The following NEMP2 variants were observed in gnomAD, a reference collection of about 807,000 sequenced individuals.
NEMP2 encodes nuclear envelope integral membrane protein 2.
A neutral mutation model predicts 54.2 loss-of-function variants in NEMP2; 53 were observed. That is an observed-to-expected ratio of 0.98 (90% confidence interval 0.78 to 1.23). The LOEUF (loss-of-function observed/expected upper bound fraction) is 1.23. NEMP2 is among the 50% of genes most tolerant of loss of function. NEMP2 has a pLI of 0.00. For missense variants in NEMP2, 455 were observed against 511.3 expected (o/e 0.89, Z 1.06); for synonymous variants, 197 against 190.3 (o/e 1.04, Z -0.29).
At chr2:190,609,796 A>C in the NEMP2 span, 1 of 152,242 alleles carries the variant, frequency 6.6e-6, no homozygotes, top group Non-Finnish European at 1.5e-5. This position sits in a 1 kb window ranked among gnomAD's most constrained non-coding sequence, Gnocchi z 4.7. Flanking sequence ...CTTCCTGCTG[A>C]GAGAGGGTCA....
At chr2:190,479,859 GT>G in the NEMP2 span, among the ~76,000 whole-genome samples, 2 of 151,972 alleles carry the variant, frequency 1.3e-5, no homozygotes, top group Non-Finnish European at 2.9e-5. Flanking sequence ...GATGAAAGAT[GT>G]TTTTTTTAAT....
chr2:190,535,550 AGTCTTCTCTAATTCTG>A (rs1691347865), upstream of NEMP2, among the ~76,000 whole-genome samples: 3 of 152,358 alleles, frequency 2.0e-5, no homozygotes, highest in Admixed American at 2.0e-4. Context: ...TAACTAGGAC[AGTCTTCTCTAATTCTG>A]GTCTTTTGGT....
chr2:190,523,716 G>A lies in NEMP2; in HGVS notation c.213+1547C>T, dbSNP rs112000695. 0.017 allele frequency among the ~76,000 whole-genome samples: 2,590 copies of A among 152,326 alleles called. 26 individuals carry two copies. The highest frequency in any genetic ancestry group is 0.029 in the South Asian group (139 of 4,828). On this transcript the variant is annotated intron_variant, in intron 2 of 8. Transcript: ENST00000409150. This position sits in a 1 kb window ranked among gnomAD's most constrained non-coding sequence, Gnocchi z 5.3. The stretch of plus-strand genomic sequence containing the variant: ...GCTCAAAAATGCTAGGCACATGGCA[G>A]AAGGACACAGGAGCTAGTTTGAAGG...
the NEMP2 span, among the ~76,000 whole-genome samples, chr2:190,479,904 TA>T: frequency 2.6e-5 from 4 of 152,214 alleles, no homozygotes; most frequent in Non-Finnish European, 4.4e-5. Flanking sequence ...CTGACATTTA[TA>T]AAGCGTTATT....
chr2:190,638,141 C>A, the NEMP2 span, among the ~76,000 whole-genome samples: 1 of 152,212 alleles, frequency 6.6e-6, no homozygotes. This position sits in a 1 kb window ranked among gnomAD's most constrained non-coding sequence, Gnocchi z 5.7. Context: ...GTGCTCCCGG[C>A]AGCACTGAGC....
At chr2:190,645,107 A>T in the NEMP2 span, among the ~76,000 whole-genome samples, 1 of 152,228 alleles carries the variant, frequency 6.6e-6, no homozygotes, top group East Asian at 1.9e-4. Context: ...TTTTTTAAAA[A>T]GTGTTTTCAA....
rs1036693290 is a variant in NEMP2, at chr2:190,514,750, T to A, written c.728-72A>T. On this transcript the variant is annotated intron_variant, in intron 6 of 8. Transcript: ENST00000409150. This position sits in a 1 kb window ranked among gnomAD's most constrained non-coding sequence, Gnocchi z 5.7. The stretch of plus-strand genomic sequence containing the variant: ...ATTATGTGAAAAACCTGGCAGAGCC[T>A]TGACTTAAAGGTAAAAACTATTAGA... The A allele has an allele frequency of 2.5e-5, 36 of 1,412,144 alleles. No homozygotes were observed. Among genetic ancestry groups the A allele is most frequent in the Non-Finnish European group, 3.3e-5 (34 of 1,028,172 alleles). 87.5% of individuals were successfully genotyped at this position (1,412,144 alleles called of 1,614,324 possible). A position where few individuals can be genotyped will look rare whatever the true frequency, so the allele number is the denominator to read the frequency against.
chr2:190,538,187 T>G (rs531794899), upstream of NEMP2, among the ~76,000 whole-genome samples: 2 of 148,698 alleles, frequency 1.3e-5, no homozygotes, highest in South Asian at 4.2e-4. The surrounding 1 kb of genome is among the most constrained non-coding windows in gnomAD (Gnocchi z 4.1). Context: ...AAGATCCAGT[T>G]TTTTTTTAGC....
At chr2:190,486,699 C>G in the NEMP2 span, among the ~76,000 whole-genome samples, 1 of 152,138 alleles carries the variant, frequency 6.6e-6, no homozygotes, top group African/African-American at 2.4e-5. Context: ...AGACTACTGT[C>G]AGATCAAATT....
At chr2:190,635,879 T>C in the NEMP2 span, among the ~76,000 whole-genome samples, 2 of 152,198 alleles carry the variant, frequency 1.3e-5, no homozygotes, top group African/African-American at 4.8e-5. This position sits in a 1 kb window ranked among gnomAD's most constrained non-coding sequence, Gnocchi z 4.1. Flanking sequence ...ATGTTGTTTG[T>C]TTTTTGAGAC....
chr2:190,460,870 A>G, the NEMP2 span, among the ~76,000 whole-genome samples: 1 of 152,302 alleles, frequency 6.6e-6, no homozygotes, highest in South Asian at 2.1e-4. Context: ...ATGTTTTATA[A>G]TAGAATCTTC....
chr2:190,437,594 CA>C, the NEMP2 span: 1 of 1,583,926 alleles, frequency 6.3e-7, no homozygotes, highest in African/African-American at 1.4e-5. This position sits in a 1 kb window ranked among gnomAD's most constrained non-coding sequence, Gnocchi z 5.9. Flanking sequence ...TGCCCCTCAG[CA>C]ATTGAACTTT....
the NEMP2 span, among the ~76,000 whole-genome samples, chr2:190,452,190 C>T: frequency 2.0e-5 from 3 of 151,774 alleles, no homozygotes; most frequent in Non-Finnish European, 2.9e-5. Flanking sequence ...GGGAAGTGGA[C>T]GTTGCAGTGA....
At position 190,510,610 on chromosome 2, in the gene NEMP2, C is replaced by A; in HGVS notation, c.954-73G>T. The A allele has an allele frequency of 6.7e-7, 1 of 1,483,952 alleles. No individual in the cohort carries two copies. Among genetic ancestry groups the A allele is most frequent in the South Asian group, 1.2e-5 (1 of 80,404 alleles). The allele number at this position is 1,483,952 out of a possible 1,614,324, so 91.9% of individuals were successfully genotyped here. A position where few individuals can be genotyped will look rare whatever the true frequency, so the allele number is the denominator to read the frequency against. On this transcript the variant is annotated intron_variant, in intron 7 of 8. Transcript: ENST00000409150. The surrounding 1 kb of genome is among the most constrained non-coding windows in gnomAD (Gnocchi z 5.7). Reference sequence around the variant, plus strand: ...AAGATTTACAAAAATAGGCCAGGCTCGGTGGCTCACGCCTGTAATCCAGCA... The same window carrying A: ...AAGATTTACAAAAATAGGCCAGGCTAGGTGGCTCACGCCTGTAATCCAGCA...
chr2:190,480,713 T>C, the NEMP2 span, among the ~76,000 whole-genome samples: 11 of 152,246 alleles, frequency 7.2e-5, no homozygotes, highest in Admixed American at 5.2e-4. Context: ...TCTGTGTCTT[T>C]GGACAAAATG....
chr2:190,552,875 G>C, the NEMP2 span, among the ~76,000 whole-genome samples: 19 of 152,230 alleles, frequency 1.2e-4, no homozygotes, highest in East Asian at 3.1e-3. Context: ...TCTAAGAATT[G>C]TATAGCAGTG....
At chr2:190,434,326 A>G in the NEMP2 span, among the ~76,000 whole-genome samples, 1,580 of 152,320 alleles carry the variant, frequency 0.01, 27 homozygotes, top group African/African-American at 0.035. This position sits in a 1 kb window ranked among gnomAD's most constrained non-coding sequence, Gnocchi z 4.3. Context: ...TAATCATTCA[A>G]TCTTTAATAG....
the NEMP2 span, chr2:190,436,038 T>C: frequency 1.2e-6 from 2 of 1,609,386 alleles, no homozygotes; most frequent in Non-Finnish European, 1.7e-6. The surrounding 1 kb of genome is among the most constrained non-coding windows in gnomAD (Gnocchi z 5.3). Flanking sequence ...CCATGGCAGA[T>C]GATAAAGTTG....
intron 4 of NEMP2, among the ~76,000 whole-genome samples, 182 bp downstream of exon 4, chr2:190,518,554 C>G (rs1015411677): frequency 2.0e-5 from 3 of 152,110 alleles, no homozygotes; most frequent in African/African-American, 7.2e-5. Context: ...ACATATCACA[C>G]GATAAAAATA....
Sources: gnomAD v4.1 joint callset for allele counts (sites outside exome capture counted in the v4.1 genomes callset) on GRCh38, gnomAD v4.1.1 for gene constraint, Gnocchi (gnomAD v3.1) non-coding constraint, MANE v1.5 for transcripts, NCBI Gene and HGNC (gene_info 2026-07-23, HGNC 2026-07-21) for gene names.